SEL1L: variants seen among roughly 807,000 people sequenced by gnomAD.
SEL1L encodes the protein SEL1L adaptor subunit of SYVN1 ubiquitin ligase, also known as protein sel-1 homolog 1.
In SEL1L, 52 loss-of-function variants were observed where a neutral mutation model predicts 109.8. The ratio of observed to expected loss-of-function variants is 0.47; its 90% confidence interval spans 0.38 to 0.60. SEL1L has a LOEUF of 0.60. Among genes scored for constraint, SEL1L ranks in the 20% least tolerant of loss-of-function variants. SEL1L has a pLI of 0.00. For synonymous variants in SEL1L, 373 were observed against 339.6 expected (o/e 1.10, Z -1.08); for missense variants, 749 against 962.2 (o/e 0.78, Z 2.93).
At chr14:81,504,359 C>T in intron 4 of SEL1L, 53 bp from the exon 5 acceptor site, 1 of 1,282,504 alleles carries the variant, frequency 7.8e-7, no homozygotes, top group Non-Finnish European at 1.1e-6. Context: ...TATCAATTAT[C>T]AACCATTAGT....
At chr14:81,497,645 G>C (rs1338663820) in intron 10 of SEL1L, among the ~76,000 whole-genome samples, 1 of 152,038 alleles carries the variant, frequency 6.6e-6, no homozygotes, top group Non-Finnish European at 1.5e-5. Flanking sequence ...ACACGGGAGA[G>C]TCACCTGGAC....
intron 18 of SEL1L, 141 bp downstream of exon 18, chr14:81,485,531 A>T: frequency 1.5e-6 from 1 of 667,600 alleles, no homozygotes. Context: ...ACCTCAAGTG[A>T]TCCTCCTGCC....
At chr14:81,498,702 A>C in intron 8 of SEL1L, 1 of 483,088 alleles carries the variant, frequency 2.1e-6, no homozygotes, top group East Asian at 3.3e-5. Flanking sequence ...GGAAATAAAT[A>C]ATATAGTTCC....
intron 15 of SEL1L, 100 bp downstream of exon 15, chr14:81,487,755 A>G (rs2139994810): frequency 2.6e-6 from 4 of 1,550,406 alleles, no homozygotes; most frequent in Non-Finnish European, 3.5e-6. Context: ...TTAACCAGCC[A>G]GAATTTGATA....
intron 19 of SEL1L, among the ~76,000 whole-genome samples, chr14:81,481,698 A>G (rs1595502150): frequency 1.3e-5 from 2 of 152,332 alleles, no homozygotes; most frequent in East Asian, 3.9e-4. Context: ...TTTAAACCTC[A>G]AAAGAAAAAA....
intron 6 of SEL1L, among the ~76,000 whole-genome samples, chr14:81,501,401 TC>T (rs1884001284): frequency 1.3e-5 from 2 of 152,188 alleles, no homozygotes; most frequent in African/African-American, 2.4e-5. Context: ...GTAAAACCGT[TC>T]TTCAGAGCAG....
In SEL1L at chr14:81,477,062, C is replaced by T; in HGVS notation, c.2295G>A (p.Gln765=). 1 of 1,614,208 alleles carries T rather than the reference C, an allele frequency of 6.2e-7. No individual in the cohort carries two copies. Among genetic ancestry groups the T allele is most frequent in the Non-Finnish European group, 8.5e-7 (1 of 1,180,054 alleles). The change falls in exon 21 of 21, where the codon CAG becomes CAA. Residue 765 remains glutamine, a synonymous_variant. Transcript: ENST00000336735. ...GCCTGGGTGCAGGCATGTCTTGGTG[C>T]TGCCTTTGCCTGTAAGCTATGACTG... ...LGTVIAYRQR[Q]HQDMPAPRPP...
At position 81,506,123 on chromosome 14, in the gene SEL1L, A is replaced by C; in HGVS notation, c.459T>G (p.Cys153Trp). 1 of 1,614,084 alleles carries C rather than the reference A, an allele frequency of 6.2e-7. No individual in the cohort carries two copies. The highest frequency in any genetic ancestry group is 8.5e-7 in the Non-Finnish European group (1 of 1,179,928). ...CTGCTTTGTAGTCATAGGTTGTAGC[A>C]CACCACAGTCTGCCATCTTCCCTCC... ...SDGREDGRLWCATTYDYKADE... is the reference protein window; with the variant it reads ...SDGREDGRLWWATTYDYKADE... Residue 153 changes from cysteine (C) to tryptophan (W), a missense_variant, in exon 4 of 21, where the codon TGT becomes TGG. Physicochemically the swap from Cys to Trp is radical, Grantham distance 215. Coordinates refer to ENST00000336735, the MANE Select transcript of SEL1L (RefSeq NM_005065.6).
At chr14:81,492,438 A>G (rs1468686000) in intron 12 of SEL1L, 42 bp downstream of exon 12, 11 of 1,345,238 alleles carry the variant, frequency 8.2e-6, no homozygotes, top group Non-Finnish European at 1.2e-5. Context: ...TTATGCAAAC[A>G]CCTCTTGCTA....
intron 20 of SEL1L, 43 bp from the exon 21 acceptor site, chr14:81,477,224 T>A (rs1903190267): frequency 6.7e-7 from 1 of 1,497,648 alleles, no homozygotes; most frequent in African/African-American, 1.4e-5. Flanking sequence ...CACTAAAATG[T>A]CAGGCAAGGA....
intron 3 of SEL1L, among the ~76,000 whole-genome samples, chr14:81,506,872 G>A (rs1884260987): frequency 6.6e-6 from 1 of 152,180 alleles, no homozygotes; most frequent in African/African-American, 2.4e-5. Flanking sequence ...TGCTAGAAAT[G>A]AGGTGCATCA....
In SEL1L at chr14:81,484,940, T is replaced by G. The variant is rs148821575; in HGVS notation, c.1874-543A>C. Among the ~76,000 whole-genome samples, 137 of 152,316 alleles carry G rather than the reference T, an allele frequency of 9.0e-4. 1 individual carries two copies. Among genetic ancestry groups the G allele is most frequent in the Non-Finnish European group, 1.3e-3 (89 of 68,034 alleles). ...GATCAGGCTCTACTTTATAATGTCA[T>G]TTACATTTTAAAATAGTCCAGCTTG... On this transcript the variant is annotated intron_variant, in intron 18 of 20. Coordinates refer to ENST00000336735, the MANE Select transcript of SEL1L (RefSeq NM_005065.6).
intron 1 of SEL1L, among the ~76,000 whole-genome samples, chr14:81,532,229 C>T (rs1256073038): frequency 6.6e-6 from 1 of 152,224 alleles, no homozygotes; most frequent in African/African-American, 2.4e-5. Context: ...ACACACCGTG[C>T]TCTTTCATTA....
chr14:81,531,970 TTAAC>T (rs1256307772), intron 1 of SEL1L, among the ~76,000 whole-genome samples: 24 of 152,212 alleles, frequency 1.6e-4, no homozygotes, highest in Non-Finnish European at 3.5e-4. Context: ...TGGCACAGCT[TTAAC>T]TATGATGGAA....
At chr14:81,507,076 G>A (rs551875981) in intron 3 of SEL1L, among the ~76,000 whole-genome samples, 24 of 152,304 alleles carry the variant, frequency 1.6e-4, no homozygotes, top group African/African-American at 5.1e-4. Flanking sequence ...ACAGATTGGT[G>A]CTAAGGTGAC....
intron 3 of SEL1L, 107 bp downstream of exon 3, chr14:81,526,626 G>T: frequency 2.5e-6 from 2 of 803,002 alleles, no homozygotes; most frequent in South Asian, 1.5e-5. Flanking sequence ...TATTATTTGT[G>T]GGTAATAATC....
At chr14:81,482,480 T>G (rs891748352) in intron 19 of SEL1L, among the ~76,000 whole-genome samples, 2 of 152,098 alleles carry the variant, frequency 1.3e-5, no homozygotes, top group Non-Finnish European at 1.5e-5. Context: ...GAGACAAGCC[T>G]AAGCAACATA....
chr14:81,531,478 C>T (rs1228316143), intron 1 of SEL1L, among the ~76,000 whole-genome samples: 1 of 152,098 alleles, frequency 6.6e-6, no homozygotes, highest in Non-Finnish European at 1.5e-5. Context: ...AACTTTGAGG[C>T]CGAAACCCTG....
intron 14 of SEL1L, among the ~76,000 whole-genome samples, chr14:81,488,547 T>A (rs1243886229): frequency 2.0e-5 from 3 of 152,144 alleles, no homozygotes; most frequent in African/African-American, 7.2e-5. Context: ...AAGCACATAT[T>A]ACTTGGAAAG....
Sources: allele counts gnomAD v4.1 joint callset (sites outside exome capture counted in the v4.1 genomes callset), GRCh38; gene constraint gnomAD v4.1.1; transcripts MANE v1.5; gene names NCBI Gene and HGNC (gene_info 2026-07-23, HGNC 2026-07-21).